Variants in EPHB1 observed in about 807,000 individuals in gnomAD.
The protein encoded by EPHB1 is ephrin type-B receptor 1.
Under a neutral mutation model 94.4 loss-of-function variants are expected in EPHB1, and 30 were observed. The observed-to-expected ratio is 0.32, with a 90% confidence interval of 0.24 to 0.43. EPHB1 has a LOEUF of 0.43. EPHB1 is among the 20% of genes least tolerant of loss of function. The pLI, the probability that EPHB1 is intolerant of heterozygous loss-of-function variation, is 1.00. For synonymous variants in EPHB1, 522 were observed against 489.1 expected (o/e 1.07, Z -0.89); for missense variants, 1,055 against 1,308.3 (o/e 0.81, Z 2.99).
intron 3 of EPHB1, among the ~76,000 whole-genome samples, chr3:135,027,309 G>A (rs1936221367): frequency 1.3e-5 from 2 of 150,188 alleles, no homozygotes; most frequent in South Asian, 4.2e-4. Flanking sequence ...CAAAGGGAAT[G>A]CTTCCAGTTT....
In EPHB1 at chr3:134,952,056, A is replaced by G; in HGVS notation, c.805+4A>G. ...GAGAACAGCGTGGCATGCAAGGGTAAGCTTTGGAGCCTCTGCTTCCTGCCC... is the reference window on the plus strand; with the variant it reads ...GAGAACAGCGTGGCATGCAAGGGTAGGCTTTGGAGCCTCTGCTTCCTGCCC... On this transcript the variant is annotated splice_donor_region_variant and intron_variant, in intron 3 of 15. Transcript: ENST00000398015. 1 of 1,586,198 alleles carries G rather than the reference A, an allele frequency of 6.3e-7. No individual in the cohort carries two copies. Among genetic ancestry groups the G allele is most frequent in the Non-Finnish European group, 8.6e-7 (1 of 1,162,490 alleles).
At chr3:134,819,540 T>C (rs946336080) in intron 1 of EPHB1, among the ~76,000 whole-genome samples, 1 of 152,216 alleles carries the variant, frequency 6.6e-6, no homozygotes, top group Admixed American at 6.5e-5. Context: ...ATAGATGGAT[T>C]GCCTGGTACA....
intron 1 of EPHB1, among the ~76,000 whole-genome samples, chr3:134,894,425 G>C (rs528550601): frequency 1.6e-4 from 24 of 152,336 alleles, no homozygotes; most frequent in African/African-American, 5.8e-4. Flanking sequence ...AAGTTTTACA[G>C]CCTAGAAACC....
chr3:135,165,876 A>C (rs951879327), intron 7 of EPHB1, 92 bp from the exon 8 acceptor site: 1 of 863,920 alleles, frequency 1.2e-6, no homozygotes. Context: ...ACATATATGT[A>C]TATTTAGATC....
At chr3:135,235,926 A>C (rs1326066357) in intron 12 of EPHB1, among the ~76,000 whole-genome samples, 1 of 152,154 alleles carries the variant, frequency 6.6e-6, no homozygotes, top group Non-Finnish European at 1.5e-5. Context: ...AAAGTGTTGG[A>C]GCTATCCCTC....
chr3:135,209,532 C>T (rs1268285012), intron 12 of EPHB1, among the ~76,000 whole-genome samples: 3 of 152,130 alleles, frequency 2.0e-5, no homozygotes, highest in African/African-American at 7.2e-5. Flanking sequence ...ATCAGACTAC[C>T]TAAAACTGAG....
intron 1 of EPHB1, among the ~76,000 whole-genome samples, chr3:134,808,436 T>C (rs759377855): frequency 2.0e-5 from 3 of 151,998 alleles, no homozygotes; most frequent in South Asian, 2.1e-4. Flanking sequence ...TGGCCTGAGA[T>C]AGGGGAGAGC....
chr3:134,811,256 T>TTTTTTTTTTTTTTG lies in EPHB1; in HGVS notation c.58+15574_58+15575insTTTTTTGTTTTTTT, dbSNP rs1553853019. On this transcript the variant is annotated intron_variant, in intron 1 of 15. Transcript: ENST00000398015. ...CTACTAAGAAGGTTTTTTTTTTTTT[T>TTTTTTTTTTTTTTG]TTTTTTTCTGTCTTGCTCTGTCCCC... Among the ~76,000 whole-genome samples, 8 of 134,866 alleles carry TTTTTTTTTTTTTTG rather than the reference T, an allele frequency of 5.9e-5. 1 individual carries two copies. The highest frequency in any genetic ancestry group is 1.6e-4 in the African/African-American group (6 of 37,704). 88.5% of individuals were successfully genotyped at this position (134,866 alleles called of 152,430 possible).
At chr3:135,243,347 G>T (rs1943840614) in intron 13 of EPHB1, among the ~76,000 whole-genome samples, 1 of 152,170 alleles carries the variant, frequency 6.6e-6, no homozygotes, top group Non-Finnish European at 1.5e-5. Flanking sequence ...GATTCTAGAA[G>T]GTTTTACAGT....
intron 3 of EPHB1, among the ~76,000 whole-genome samples, chr3:135,099,276 G>A (rs1395045254): frequency 6.6e-6 from 1 of 152,120 alleles, no homozygotes; most frequent in East Asian, 1.9e-4. Context: ...TCCATCTTCA[G>A]AGAGCTTTCA....
At chr3:135,152,783 C>A (rs952208740) in intron 5 of EPHB1, among the ~76,000 whole-genome samples, 3 of 152,158 alleles carry the variant, frequency 2.0e-5, no homozygotes, top group African/African-American at 7.2e-5. Flanking sequence ...CTGTGGGAAT[C>A]AGGGCCTCTG....
At chr3:134,921,739 A>C (rs2038690519) in intron 1 of EPHB1, among the ~76,000 whole-genome samples, 6 of 152,230 alleles carry the variant, frequency 3.9e-5, no homozygotes. Context: ...GAGTGATTTA[A>C]GTTATAGTAA....
At chr3:135,044,333 G>A (rs1936934182) in intron 3 of EPHB1, among the ~76,000 whole-genome samples, 1 of 152,208 alleles carries the variant, frequency 6.6e-6, no homozygotes, top group African/African-American at 2.4e-5. Context: ...TTTCCTGGCA[G>A]GGAGTGGCTC....
intron 5 of EPHB1, among the ~76,000 whole-genome samples, chr3:135,138,605 G>T (rs1237992111): frequency 6.6e-6 from 1 of 152,134 alleles, no homozygotes; most frequent in East Asian, 1.9e-4. Flanking sequence ...ATTTTTAAGG[G>T]CTGTGCTTAT....
intron 3 of EPHB1, among the ~76,000 whole-genome samples, chr3:134,955,712 G>C (rs1386895397): frequency 2.5e-5 from 1 of 40,172 alleles, no homozygotes; most frequent in Non-Finnish European, 4.9e-5. Flanking sequence ...GCAAAGACTT[G>C]GGACATCCTT....
chr3:134,833,179 G>C (rs555443320), intron 1 of EPHB1, among the ~76,000 whole-genome samples: 9 of 152,278 alleles, frequency 5.9e-5, no homozygotes, highest in Admixed American at 3.9e-4. Flanking sequence ...GGTCCCATGG[G>C]ACTCTCAGCG....
rs117486535 is a variant in EPHB1, at chr3:134,796,844, T to C, written c.58+1155T>C. On this transcript the variant is annotated intron_variant, in intron 1 of 15. Transcript: ENST00000398015. ...GGACTCCAAGCCGGGGAGGAGCAGC[T>C]CTTGGCGACCGCGCAGCGTTCCCAT... is the stretch of plus-strand genomic sequence containing the variant. Among the ~76,000 whole-genome samples, 259 of 152,354 alleles carry C rather than the reference T, an allele frequency of 1.7e-3. 4 individuals carry two copies. In the East Asian group the frequency reaches 0.046, roughly 27 times the overall value.
intron 4 of EPHB1, among the ~76,000 whole-genome samples, chr3:135,122,641 C>G (rs1940020661): frequency 6.6e-6 from 1 of 152,134 alleles, no homozygotes; most frequent in Non-Finnish European, 1.5e-5. Flanking sequence ...TCAAGGAAAC[C>G]TAGACTCTCA....
At chr3:135,034,836 A>G (rs1936592378) in intron 3 of EPHB1, among the ~76,000 whole-genome samples, 1 of 152,212 alleles carries the variant, frequency 6.6e-6, no homozygotes, top group African/African-American at 2.4e-5. Flanking sequence ...GAGCCTTTTG[A>G]AACCTTCCTG....
Sources: allele counts gnomAD v4.1 joint callset (sites outside exome capture counted in the v4.1 genomes callset), GRCh38; gene constraint gnomAD v4.1.1; transcripts MANE v1.5; gene names NCBI Gene and HGNC (gene_info 2026-07-23, HGNC 2026-07-21).